LDB2: variants seen among roughly 807,000 people sequenced by gnomAD.
LDB2 encodes LIM domain-binding protein 2.
A neutral mutation model predicts 44.3 loss-of-function variants in LDB2; 12 were observed. The observed-to-expected ratio is 0.27, with a 90% CI of 0.17 to 0.44. The LOEUF (loss-of-function observed/expected upper bound fraction) is 0.44, where lower values mean the gene tolerates loss of function less well. Ranked by LOEUF, LDB2 falls within the 20% of genes least tolerant of loss-of-function variation. LDB2 has a pLI of 1.00. For synonymous variants in LDB2, 164 were observed against 174.8 expected (o/e 0.94, Z 0.49); for missense variants, 344 against 473.5 (o/e 0.73, Z 2.54).
At chr4:16,845,232 C>G (rs1786731757) in intron 1 of LDB2, among the ~76,000 whole-genome samples, 2 of 152,176 alleles carry the variant, frequency 1.3e-5, no homozygotes, top group Admixed American at 1.3e-4. Context: ...AGATCCCCTG[C>G]TCCCAAATTT....
At chr4:16,887,032 CAAAAAAAAAAAAAAAA>C (rs371783496) in intron 1 of LDB2, among the ~76,000 whole-genome samples, 2 of 50,446 alleles carry the variant, frequency 4.0e-5, no homozygotes, top group South Asian at 9.4e-4. Flanking sequence ...AACTCCGTCT[CAAAAAAAAAAAAAAAA>C]AAAAAAAAAA....
At chr4:16,695,894 T>G (rs1021003924) in intron 2 of LDB2, among the ~76,000 whole-genome samples, 1 of 152,198 alleles carries the variant, frequency 6.6e-6, no homozygotes, top group Non-Finnish European at 1.5e-5. Context: ...AAACAGAGGT[T>G]AAGCCTGATT....
At chr4:16,663,310 G>A (rs1384008630) in intron 2 of LDB2, among the ~76,000 whole-genome samples, 1 of 152,140 alleles carries the variant, frequency 6.6e-6, no homozygotes, top group Non-Finnish European at 1.5e-5. Flanking sequence ...CTGATTTACA[G>A]CACTTACCAA....
At chr4:16,583,350 G>A (rs1715474045) in intron 5 of LDB2, among the ~76,000 whole-genome samples, 1 of 152,148 alleles carries the variant, frequency 6.6e-6, no homozygotes, top group African/African-American at 2.4e-5. Context: ...CTGCATAGAA[G>A]GCTTTGGATT....
At chr4:16,703,810 C>A (rs974286782) in intron 2 of LDB2, among the ~76,000 whole-genome samples, 1 of 152,128 alleles carries the variant, frequency 6.6e-6, no homozygotes, top group African/African-American at 2.4e-5. Context: ...AGTAATAATA[C>A]CACCAATTGC....
Position 16,887,001 on chromosome 4 carries a change from C to A in LDB2, c.132+11353G>T, listed in dbSNP as rs527252463. 1.2e-4 allele frequency among the ~76,000 whole-genome samples: 16 copies of A among 137,842 alleles called. 1 individual carries two copies. The South Asian group carries it at 3.4e-3, about 30-fold the overall frequency. The allele number at this position is 137,842 out of a possible 152,430, so 90.4% of individuals were successfully genotyped here. On this transcript the variant is annotated intron_variant, in intron 1 of 7. Coordinates refer to ENST00000304523, the MANE Select transcript of LDB2 (RefSeq NM_001290.5). ...TGAGCTGAGATCGCGCCACTGCACT[C>A]CAGCCTGGGCGACAGAGCGAAACTC...
chr4:16,788,195 C>T (rs287962), intron 1 of LDB2, among the ~76,000 whole-genome samples: 130,316 of 152,200 alleles, frequency 0.86, 56,461 homozygotes, highest in Middle Eastern at 0.96. Context: ...CTTTCACCTA[C>T]GGCAAGAGTA....
At chr4:16,894,926 T>C (rs2110549243) in intron 1 of LDB2, among the ~76,000 whole-genome samples, 1 of 152,078 alleles carries the variant, frequency 6.6e-6, no homozygotes, top group South Asian at 2.1e-4. Context: ...ATGTGTAATA[T>C]TGATAAAAGA....
intron 5 of LDB2, among the ~76,000 whole-genome samples, chr4:16,559,073 A>C (rs1740977723): frequency 6.6e-6 from 1 of 152,338 alleles, no homozygotes; most frequent in African/African-American, 2.4e-5. Context: ...AGCACTAAAC[A>C]TGGAAAAGAA....
chr4:16,620,021 G>A (rs76757032), intron 2 of LDB2, among the ~76,000 whole-genome samples: 7,694 of 152,196 alleles, frequency 0.051, 214 homozygotes, highest in Non-Finnish European at 0.071. Context: ...GGAGGATCTT[G>A]TATAATATGT....
At chr4:16,704,004 G>A (rs935598237) in intron 2 of LDB2, among the ~76,000 whole-genome samples, 1 of 151,906 alleles carries the variant, frequency 6.6e-6, no homozygotes, top group Non-Finnish European at 1.5e-5. Flanking sequence ...GACTGTTATC[G>A]GGTGCCCCTC....
chr4:16,701,950 C>T (rs989743124), intron 2 of LDB2, among the ~76,000 whole-genome samples: 1 of 152,156 alleles, frequency 6.6e-6, no homozygotes, highest in African/African-American at 2.4e-5. Context: ...ATTGTTATTG[C>T]TATTACTTTA....
chr4:16,750,943 T>C (rs1765369249), intron 2 of LDB2: 1 of 152,202 alleles, frequency 6.6e-6, no homozygotes, highest in East Asian at 1.9e-4. Flanking sequence ...ATTGTGACAA[T>C]GAAAAGATTT....
chr4:16,741,811 C>A (rs980132122), intron 2 of LDB2, among the ~76,000 whole-genome samples: 2 of 152,140 alleles, frequency 1.3e-5, no homozygotes, highest in African/African-American at 4.8e-5. Flanking sequence ...AACTAAAATT[C>A]ATTAATAATT....
intron 1 of LDB2, among the ~76,000 whole-genome samples, chr4:16,861,096 A>G (rs2110260190): frequency 6.6e-6 from 1 of 152,300 alleles, no homozygotes; most frequent in African/African-American, 2.4e-5. Context: ...CATATATATC[A>G]AATATGATCA....
At chr4:16,754,506 A>G (rs1766103416) in intron 2 of LDB2, among the ~76,000 whole-genome samples, 2 of 151,146 alleles carry the variant, frequency 1.3e-5, no homozygotes, top group African/African-American at 2.4e-5. Flanking sequence ...TTTAATTTTC[A>G]CAAGCCAGTG....
At chr4:16,584,141 GA>G in intron 5 of LDB2, among the ~76,000 whole-genome samples, 1 of 152,314 alleles carries the variant, frequency 6.6e-6, no homozygotes, top group East Asian at 1.9e-4. Flanking sequence ...TGGGTACACA[GA>G]AGGTCTCAAT....
intron 1 of LDB2, among the ~76,000 whole-genome samples, chr4:16,766,512 T>A (rs1230068716): frequency 1.8e-3 from 19 of 10,360 alleles, no homozygotes; most frequent in South Asian, 0.03. Flanking sequence ...GTGTATATAT[T>A]TTTTTTTTTT....
At chr4:16,555,296 A>G (rs1739155811) in intron 5 of LDB2, among the ~76,000 whole-genome samples, 1 of 152,210 alleles carries the variant, frequency 6.6e-6, no homozygotes, top group African/African-American at 2.4e-5. Flanking sequence ...ACAAGTTTAT[A>G]AGAGGTGTCA....
Sources: gnomAD v4.1 joint callset for allele counts (sites outside exome capture counted in the v4.1 genomes callset) on GRCh38, gnomAD v4.1.1 for gene constraint, MANE v1.5 for transcripts, NCBI Gene and HGNC (gene_info 2026-07-23, HGNC 2026-07-21) for gene names.